The following CRADD variants were observed in gnomAD, a reference collection of about 807,000 sequenced individuals.
CRADD encodes death domain-containing protein CRADD.
CRADD carries 9 observed loss-of-function variants against 15.5 expected under a neutral mutation model. That is an observed-to-expected ratio of 0.58 (90% CI 0.35 to 1.01). CRADD has a LOEUF of 1.01. Ranked by LOEUF, CRADD falls within the 50% of genes least tolerant of loss-of-function variation. The pLI is 0.02. For synonymous variants in CRADD, 118 were observed against 107.6 expected (o/e 1.10, Z -0.60); for missense variants, 227 against 250.3 (o/e 0.91, Z 0.63).
At chr12:93,782,180 A>G (rs1957217825) in intron 2 of CRADD, among the ~76,000 whole-genome samples, 1 of 152,186 alleles carries the variant, frequency 6.6e-6, no homozygotes. Flanking sequence ...TGATGAGTTC[A>G]TGTCCTTTGT....
In CRADD at chr12:93,679,062, C is replaced by A; in HGVS notation, c.288C>A (p.Asp96Glu). 1 of 1,612,444 alleles carries A rather than the reference C, an allele frequency of 6.2e-7. No homozygotes were observed. Among genetic ancestry groups the A allele is most frequent in the Admixed American group, 1.7e-5 (1 of 59,906 alleles). ...LKKAREEAMT[D>E]LPAGDRLTGI... ...AGGCAAGGGAAGAGGCCATGACCGA[C>A]CTGCCTGCAGGTAGGCCTCAGAAAG... Residue 96 changes from aspartate to glutamate, a missense_variant, in exon 2 of 3, where the codon GAC (aspartate) becomes GAA (glutamate). Coordinates refer to ENST00000332896, the MANE Select transcript of CRADD (RefSeq NM_003805.5).
intron 2 of CRADD, among the ~76,000 whole-genome samples, chr12:93,720,506 G>A (rs139482711): frequency 0.012 from 1,895 of 152,180 alleles, 31 homozygotes; most frequent in African/African-American, 0.042. Context: ...CTATTTCTGA[G>A]GGATGCTAAG....
At chr12:93,740,484 C>T (rs1956648600) in intron 2 of CRADD, among the ~76,000 whole-genome samples, 1 of 151,972 alleles carries the variant, frequency 6.6e-6, no homozygotes, top group Non-Finnish European at 1.5e-5. Context: ...TCAGATTTAC[C>T]TAAGGTTTTG....
intron 2 of CRADD, among the ~76,000 whole-genome samples, chr12:93,756,348 G>T (rs1056186449): frequency 1.3e-5 from 2 of 152,196 alleles, no homozygotes; most frequent in Admixed American, 6.5e-5. Flanking sequence ...GATTAGTTAA[G>T]CCATGATCCA....
rs1407373400 is a variant in CRADD at position 93,860,949 on chromosome 12, C to T, written c.299-33101C>T. ...CCTTATAAAAGCCCCCTCCTCTCCTCCCCTCGGAGCGCCAGGCTGCTTGTG... is the reference window on the plus strand; with the variant it reads ...CCTTATAAAAGCCCCCTCCTCTCCTTCCCTCGGAGCGCCAGGCTGCTTGTG... On this transcript the variant is annotated intron_variant, in intron 2 of 2. Coordinates refer to the CRADD transcript ENST00000548483. Among the ~76,000 whole-genome samples the T allele has an allele frequency of 2.6e-5, 4 of 152,344 alleles. No individual in the cohort carries two copies. The East Asian group carries it at 5.8e-4, about 22-fold the overall frequency.
At chr12:93,788,803 A>G (rs1198864916) in intron 2 of CRADD, among the ~76,000 whole-genome samples, 1 of 152,160 alleles carries the variant, frequency 6.6e-6, no homozygotes, top group African/African-American at 2.4e-5. Flanking sequence ...AAGGGAAACC[A>G]ATACCACTGT....
rs181128038 is a variant in CRADD, at chr12:93,882,247, C to T, written c.299-11803C>T. ...CCAGCCTGGTCAACATGGTGAAACCCTGTCTCTACTAAAAATACAAAAAAT... is the reference window on the plus strand; with the variant it reads ...CCAGCCTGGTCAACATGGTGAAACCTTGTCTCTACTAAAAATACAAAAAAT... On this transcript the variant is annotated intron_variant, in intron 2 of 2. Transcript: ENST00000548483. Among the ~76,000 whole-genome samples the T allele has an allele frequency of 2.7e-3, 407 of 151,700 alleles. 1 individual carries two copies. The highest frequency in any genetic ancestry group is 4.5e-3 in the Non-Finnish European group (306 of 67,900).
rs147517869 is a variant in CRADD at position 93,710,449 on chromosome 12, G to A, written c.298+31377G>A. 5.5e-4 allele frequency among the ~76,000 whole-genome samples: 83 copies of A among 150,490 alleles called. No individual in the cohort carries two copies. In the East Asian group the frequency reaches 0.014, roughly 25 times the overall value. On this transcript the variant is annotated intron_variant, in intron 2 of 2. Coordinates refer to ENST00000332896, the MANE Select transcript of CRADD (RefSeq NM_003805.5). Reference sequence around the variant, plus strand: ...CAACCTCTGCCTCCTGGGTTCAAGCGATTCTCCTTCCTCAGCCTCCCTAGT... The same window carrying A: ...CAACCTCTGCCTCCTGGGTTCAAGCAATTCTCCTTCCTCAGCCTCCCTAGT...
chr12:93,684,356 G>C (rs1955386805), intron 2 of CRADD, among the ~76,000 whole-genome samples: 4 of 152,098 alleles, frequency 2.6e-5, no homozygotes, highest in Admixed American at 2.6e-4. Context: ...AGGAGTGCGC[G>C]ACCTCGATCT....
intron 2 of CRADD, among the ~76,000 whole-genome samples, chr12:93,712,991 A>T (rs565226591): frequency 6.6e-6 from 1 of 152,128 alleles, no homozygotes; most frequent in African/African-American, 2.4e-5. Context: ...AGTGTTTTCA[A>T]TCTGGGACCA....
chr12:93,854,165 C>A (rs1481519679), downstream of CRADD, among the ~76,000 whole-genome samples: 3 of 152,170 alleles, frequency 2.0e-5, no homozygotes, highest in East Asian at 1.9e-4. Context: ...GCTTGCTCTT[C>A]CGATCTGGGC....
intron 2 of CRADD, among the ~76,000 whole-genome samples, chr12:93,887,736 A>T (rs1283220388): frequency 1.3e-5 from 2 of 152,240 alleles, no homozygotes; most frequent in Admixed American, 6.5e-5. Flanking sequence ...AGTCACAAAA[A>T]TAAAATTTAC....
chr12:93,857,736 A>T (rs551332108), intron 2 of CRADD, among the ~76,000 whole-genome samples: 1 of 152,260 alleles, frequency 6.6e-6, no homozygotes, highest in South Asian at 2.1e-4. Context: ...CTGTTCGGAG[A>T]TCACATGGCA....
At chr12:93,893,957 A>G in intron 2 of CRADD, 4 of 692,910 alleles carry the variant, frequency 5.8e-6, no homozygotes, top group South Asian at 3.0e-5. Context: ...TGTTTGACCT[A>G]GAGCTTAAAT....
chr12:93,894,176 G>C, exon 3 of CRADD: 1 of 700,280 alleles, frequency 1.4e-6, no homozygotes, highest in Non-Finnish European at 2.6e-6. Flanking sequence ...CTCTACACCA[G>C]TGGTTCTCAA....
intron 2 of CRADD, among the ~76,000 whole-genome samples, chr12:93,759,584 C>T (rs564785056): frequency 1.1e-4 from 16 of 152,298 alleles, no homozygotes; most frequent in Admixed American, 4.6e-4. Flanking sequence ...CCTCTGGGAT[C>T]GTTTCCCCAG....
chr12:93,787,476 G>T (rs750919853), intron 2 of CRADD, among the ~76,000 whole-genome samples: 1 of 152,046 alleles, frequency 6.6e-6, no homozygotes, highest in Non-Finnish European at 1.5e-5. Context: ...ATGTGCATGT[G>T]TTGTAGTACG....
At chr12:93,832,928 C>T (rs1957926694) in intron 2 of CRADD, among the ~76,000 whole-genome samples, 1 of 152,198 alleles carries the variant, frequency 6.6e-6, no homozygotes, top group Admixed American at 6.5e-5. Flanking sequence ...AGACAAGGCA[C>T]TTGGAATTTT....
intron 2 of CRADD, among the ~76,000 whole-genome samples, chr12:93,860,265 C>A (rs756413332): frequency 3.3e-5 from 5 of 152,140 alleles, no homozygotes; most frequent in Non-Finnish European, 5.9e-5. Flanking sequence ...AAACAAATGG[C>A]CTGTCTGACC....
Sources: allele counts gnomAD v4.1 joint callset (sites outside exome capture counted in the v4.1 genomes callset), GRCh38; gene constraint gnomAD v4.1.1; transcripts MANE v1.5; gene names NCBI Gene and HGNC (gene_info 2026-07-23, HGNC 2026-07-21).